AKAP13: variants seen among roughly 807,000 people sequenced by gnomAD.
AKAP13 encodes A-kinase anchoring protein 13, also known as A-kinase anchor protein 13.
In AKAP13, 80 loss-of-function variants were observed where a neutral mutation model predicts 264.5. The ratio of observed to expected loss-of-function variants is 0.30; its 90% CI spans 0.25 to 0.36. The LOEUF (loss-of-function observed/expected upper bound fraction) is 0.36, where lower values mean the gene tolerates loss of function less well. Among genes scored for constraint, AKAP13 ranks in the 10% least tolerant of loss-of-function variants. The pLI is 1.00. For synonymous variants in AKAP13, 1,380 were observed against 1,250.2 expected, an observed-to-expected ratio of 1.10 and a Z score of -2.19; for missense variants, 3,712 against 3,435.2, an observed-to-expected ratio of 1.08 and a Z score of -2.01.
At chr15:85,420,481 T>A (rs1408700788) in intron 1 of AKAP13, among the ~76,000 whole-genome samples, 3 of 152,140 alleles carry the variant, frequency 2.0e-5, no homozygotes, top group Admixed American at 6.6e-5. Context: ...ATGATTCTGA[T>A]TATGTTTTTA....
chr15:85,670,044 T>G (rs1596993498), intron 14 of AKAP13, among the ~76,000 whole-genome samples: 1 of 152,324 alleles, frequency 6.6e-6, no homozygotes, highest in South Asian at 2.1e-4. Flanking sequence ...TACATTAAGT[T>G]TATTGTATTT....
intron 16 of AKAP13, among the ~76,000 whole-genome samples, chr15:85,689,146 T>G (rs528209607): frequency 1.2e-4 from 19 of 152,344 alleles, no homozygotes; most frequent in African/African-American, 4.1e-4. Context: ...TAGGTATTTT[T>G]GAGTGCACAG....
chr15:85,501,072 A>T lies in AKAP13; in HGVS notation c.33+15319A>T, dbSNP rs1444625137. 4.6e-5 allele frequency among the ~76,000 whole-genome samples: 7 copies of T among 152,172 alleles called. No individual in the cohort carries two copies. In the East Asian group the frequency reaches 1.2e-3, roughly 25 times the overall value. On this transcript the variant is annotated intron_variant, in intron 2 of 36. Transcript: ENST00000394518. ...TCCTGTCATCTTCCGGAATTTGTTA[A>T]AGAAGGCCAGGGGTGATCTTCACCT...
intron 17 of AKAP13, among the ~76,000 whole-genome samples, chr15:85,699,491 A>G (rs1042446302): frequency 6.6e-6 from 1 of 152,186 alleles, no homozygotes; most frequent in African/African-American, 2.4e-5. Context: ...AAGGCTATAC[A>G]CCAAACTGTT....
intron 1 of AKAP13, chr15:85,415,565 T>C: frequency 7.0e-7 from 1 of 1,437,772 alleles, no homozygotes; most frequent in Non-Finnish European, 9.7e-7. Flanking sequence ...AATTGAAAGA[T>C]GGGAAATTAG....
intron 1 of AKAP13, among the ~76,000 whole-genome samples, chr15:85,452,197 C>G (rs190737065): frequency 6.8e-6 from 1 of 146,282 alleles, no homozygotes; most frequent in African/African-American, 2.5e-5. Context: ...GTGTGATATT[C>G]AGCTCTGTCA....
chr15:85,702,634 C>T (rs1597114896), intron 17 of AKAP13: 3 of 152,194 alleles, frequency 2.0e-5, no homozygotes, highest in African/African-American at 7.2e-5. Flanking sequence ...TTCATACCCT[C>T]AGCACTGCAT....
intron 30 of AKAP13, 69 bp downstream of exon 30, chr15:85,730,776 C>G (rs1363344080): frequency 7.3e-7 from 1 of 1,374,490 alleles, no homozygotes; most frequent in Non-Finnish European, 9.9e-7. Context: ...ATATTACCTG[C>G]CAGTTTTTAC....
chr15:85,661,261 C>A (rs1476698764), intron 12 of AKAP13, among the ~76,000 whole-genome samples: 1 of 152,048 alleles, frequency 6.6e-6, no homozygotes, highest in African/African-American at 2.4e-5. Flanking sequence ...ATTTCCAACC[C>A]CAGATTTTCT....
intron 17 of AKAP13, among the ~76,000 whole-genome samples, chr15:85,707,239 G>A (rs528495147): frequency 6.6e-6 from 1 of 152,298 alleles, no homozygotes; most frequent in Admixed American, 6.5e-5. Context: ...GAGAGCTGAT[G>A]GTAAGCCTTC....
chr15:85,722,162 G>T (rs1244415689), intron 24 of AKAP13, 46 bp downstream of exon 24: 2 of 1,611,884 alleles, frequency 1.2e-6, no homozygotes, highest in Non-Finnish European at 1.7e-6. Context: ...TGAGAGCCAT[G>T]TGTCCCTGTC....
intron 18 of AKAP13, among the ~76,000 whole-genome samples, chr15:85,709,977 C>T (rs144681060): frequency 2.0e-5 from 3 of 152,192 alleles, no homozygotes; most frequent in East Asian, 1.9e-4. Flanking sequence ...TGTGAGTCAC[C>T]GCACCCTGCC....
At chr15:85,547,421 TCTTA>T (rs1265933638) in intron 5 of AKAP13, among the ~76,000 whole-genome samples, 3 of 152,360 alleles carry the variant, frequency 2.0e-5, no homozygotes, top group East Asian at 3.9e-4. Flanking sequence ...ATAAAGCAAG[TCTTA>T]CTTCTGCGAA....
At chr15:85,404,045 G>T (rs1227799188) in intron 1 of AKAP13, among the ~76,000 whole-genome samples, 2 of 152,082 alleles carry the variant, frequency 1.3e-5, no homozygotes, top group Non-Finnish European at 2.9e-5. Flanking sequence ...AAACTTCATT[G>T]TGTTAACTTC....
chr15:85,642,857 G>A (rs1254266777), intron 9 of AKAP13, among the ~76,000 whole-genome samples: 1 of 152,208 alleles, frequency 6.6e-6, no homozygotes, highest in Non-Finnish European at 1.5e-5. Context: ...ACAGCGAGCA[G>A]CTCAGCGTAG....
chr15:85,616,823 G>A (rs1244254755), intron 8 of AKAP13, among the ~76,000 whole-genome samples: 2 of 152,146 alleles, frequency 1.3e-5, no homozygotes, highest in African/African-American at 2.4e-5. Context: ...CTTCTGTTGG[G>A]GAGTGCTGAG....
chr15:85,667,451 G>C (rs1202162735), intron 13 of AKAP13, among the ~76,000 whole-genome samples: 2 of 152,048 alleles, frequency 1.3e-5, no homozygotes, highest in African/African-American at 4.8e-5. Flanking sequence ...AACAGAGAAA[G>C]GAAGAAAAAA....
chr15:85,679,259 A>G (rs567870374), intron 14 of AKAP13, among the ~76,000 whole-genome samples: 1 of 152,040 alleles, frequency 6.6e-6, no homozygotes, highest in African/African-American at 2.4e-5. Flanking sequence ...ACAACAACAA[A>G]AAACCAAGGT....
Position 85,682,216 on chromosome 15 carries a change from C to T in AKAP13, c.5156+4C>T. 1 of 1,612,444 alleles carries T rather than the reference C, an allele frequency of 6.2e-7. No individual in the cohort carries two copies. Among genetic ancestry groups the T allele is most frequent in the South Asian group, 1.1e-5 (1 of 90,970 alleles). On this transcript the variant is annotated splice_donor_region_variant and intron_variant, in intron 15 of 36. Coordinates refer to ENST00000394518, the MANE Select transcript of AKAP13 (RefSeq NM_007200.5). ...CCAGTGCTAATCTGACTGAGAGGTA[C>T]TATAAATTTGTTACTCCTTTTTCCA...
Sources: gnomAD v4.1 joint callset for allele counts (sites outside exome capture counted in the v4.1 genomes callset) on GRCh38, gnomAD v4.1.1 for gene constraint, MANE v1.5 for transcripts, NCBI Gene and HGNC (gene_info 2026-07-23, HGNC 2026-07-21) for gene names.